Variants in PI4KA observed in about 807,000 individuals in gnomAD.
PI4KA encodes phosphatidylinositol 4-kinase alpha.
In PI4KA, 122 loss-of-function variants were observed where a neutral mutation model predicts 271.4. The ratio of observed to expected loss-of-function variants is 0.45; its 90% CI spans 0.39 to 0.52. The LOEUF (loss-of-function observed/expected upper bound fraction) is 0.52. Among genes scored for constraint, PI4KA ranks in the 20% least tolerant of loss-of-function variants. The pLI is 0.00. For missense variants in PI4KA, 1,969 were observed against 2,769.1 expected (o/e 0.71, Z 6.48); for synonymous variants, 1,041 against 1,078.8 (o/e 0.96, Z 0.69).
In PI4KA at chr22:20,820,642, AAC is replaced by A. The variant is rs1294324304; in HGVS notation, c.457-33_457-32del. On this transcript the variant is annotated intron_variant, in intron 4 of 54. Coordinates refer to ENST00000255882, the MANE Select transcript of PI4KA (RefSeq NM_058004.4). ...ACAGTCAAGGAAACAAGAAAAAAAAAACATAAACAAAATTAGGTAAATATCAC... is the reference window on the plus strand; with the variant it reads ...ACAGTCAAGGAAACAAGAAAAAAAAAATAAACAAAATTAGGTAAATATCAC... 2.0e-6 allele frequency: 3 copies of A among 1,481,372 alleles called. No homozygotes were observed. The African/African-American group carries it at 4.2e-5, about 21-fold the overall frequency. The allele number at this position is 1,481,372 out of a possible 1,614,324, so 91.8% of individuals were successfully genotyped here. A position where few individuals can be genotyped will look rare whatever the true frequency, so the allele number is the denominator to read the frequency against.
At chr22:20,843,894 T>A (rs890677254) in intron 1 of PI4KA, among the ~76,000 whole-genome samples, 1 of 152,162 alleles carries the variant, frequency 6.6e-6, no homozygotes, top group Non-Finnish European at 1.5e-5. Context: ...ACTTCTCTCA[T>A]AAACCCAGGC....
In PI4KA at chr22:20,799,275, C is replaced by A; in HGVS notation, c.1822G>T (p.Asp608Tyr). 6.6e-7 allele frequency: 1 copy of A among 1,520,628 alleles called. No homozygotes were observed. The allele number at this position is 1,520,628 out of a possible 1,614,324, so 94.2% of individuals were successfully genotyped here. ...GTGTGGTCGGGAATCAAGTGAGCGT[C>A]CCTACAGAAGGAAGAACAGAAGCGC... ...RLYISQESDKDAHLIPDHTIR... is the reference protein window; with the variant it reads ...RLYISQESDKYAHLIPDHTIR... Residue 608 changes from aspartate (D) to tyrosine (Y), a missense_variant and splice_region_variant, in exon 16 of 55, where the codon GAC becomes TAC. Asp to Tyr is a radical substitution (Grantham distance 160). Coordinates refer to ENST00000255882, the MANE Select transcript of PI4KA (RefSeq NM_058004.4).
In PI4KA at chr22:20,744,823, G is replaced by C. The variant is rs544474491; in HGVS notation, c.3364-103C>G. 2.5e-5 allele frequency: 20 copies of C among 803,106 alleles called. No individual in the cohort carries two copies. The East Asian group carries it at 5.1e-4, about 21-fold the overall frequency. 49.7% of individuals were successfully genotyped at this position (803,106 alleles called of 1,614,324 possible). Reference sequence around the variant, plus strand: ...CAATGAAGCAGTCACACTCGGGTCTGGGGGTTACTATTAATAAAAATCTTC... The same window carrying C: ...CAATGAAGCAGTCACACTCGGGTCTCGGGGTTACTATTAATAAAAATCTTC... On this transcript the variant is annotated intron_variant, in intron 29 of 54. Transcript: ENST00000255882.
chr22:20,722,174 G>A (rs777117459), intron 42 of PI4KA, among the ~76,000 whole-genome samples: 1 of 151,938 alleles, frequency 6.6e-6, no homozygotes, highest in Non-Finnish European at 1.5e-5. Flanking sequence ...ACCCAGTCTC[G>A]GGAAGTTTTT....
chr22:20,765,428 C>T (rs1430033308), intron 20 of PI4KA, among the ~76,000 whole-genome samples, 157 bp downstream of exon 20: 1 of 152,204 alleles, frequency 6.6e-6, no homozygotes, highest in African/African-American at 2.4e-5. Context: ...CCCTAAACTA[C>T]ATCTGGGGAC....
intron 4 of PI4KA, among the ~76,000 whole-genome samples, chr22:20,822,686 T>C (rs960012155): frequency 6.6e-6 from 1 of 152,140 alleles, no homozygotes. Flanking sequence ...TCAGCCCATA[T>C]AACTGGTCCA....
At chr22:20,825,896 T>G (rs1923346802) in intron 3 of PI4KA, among the ~76,000 whole-genome samples, 1 of 152,186 alleles carries the variant, frequency 6.6e-6, no homozygotes, top group Admixed American at 6.5e-5. Context: ...TCTCCACTCT[T>G]AAGTAGGCCC....
At chr22:20,787,418 T>C (rs1934338141) in intron 19 of PI4KA, 2 of 362,576 alleles carry the variant, frequency 5.5e-6, no homozygotes, top group Non-Finnish European at 1.1e-5. Flanking sequence ...CACTCAAGCC[T>C]TTCTCCACCA....
intron 1 of PI4KA, among the ~76,000 whole-genome samples, chr22:20,856,378 C>T (rs1486214572): frequency 6.6e-6 from 1 of 151,758 alleles, no homozygotes; most frequent in Non-Finnish European, 1.5e-5. Flanking sequence ...AAGTAAGTGG[C>T]ATTAGGGAGC....
rs142112049 is a variant in PI4KA, at chr22:20,773,108, A to G, written c.2329-7415T>C. Among the ~76,000 whole-genome samples, 11 of 151,426 alleles carry G rather than the reference A, an allele frequency of 7.3e-5. No homozygotes were observed. The East Asian group carries it at 2.1e-3, about 30-fold the overall frequency. ...CCTGTCTCAAAAAACACATAGGGCCAGGCGTGGTGGCTCACGCATGTAATC... is the reference window on the plus strand; with the variant it reads ...CCTGTCTCAAAAAACACATAGGGCCGGGCGTGGTGGCTCACGCATGTAATC... On this transcript the variant is annotated intron_variant, in intron 19 of 54. Coordinates refer to ENST00000255882, the MANE Select transcript of PI4KA (RefSeq NM_058004.4).
At position 20,727,274 on chromosome 22, in the gene PI4KA, G is replaced by C. The variant is rs1345223974; in HGVS notation, c.4897C>G (p.Leu1633Val). ...ACTTTCACCCCGTACTGCGCCGTGA[G>C]AGGGTGCGGCGGGTACATGCTGGAG... Reference protein sequence around the residue: ...YFSSMYPPHPLTAQYGVKVLR... With the variant: ...YFSSMYPPHPVTAQYGVKVLR... Residue 1633 changes from leucine to valine, a missense_variant, in exon 41 of 55, where the codon CTC becomes GTC. Coordinates refer to ENST00000255882, the MANE Select transcript of PI4KA (RefSeq NM_058004.4). 1 of 1,613,490 alleles carries C rather than the reference G, an allele frequency of 6.2e-7. No individual in the cohort carries two copies. The highest frequency in any genetic ancestry group is 1.7e-5 in the Admixed American group (1 of 59,908).
chr22:20,796,410 C>A lies in PI4KA; in HGVS notation c.2109-96G>T. The A allele has an allele frequency of 9.8e-6, 11 of 1,127,034 alleles. No individual in the cohort carries two copies. In the South Asian group the frequency reaches 1.5e-4, roughly 16 times the overall value. The allele number at this position is 1,127,034 out of a possible 1,614,324, so 69.8% of individuals were successfully genotyped here. On this transcript the variant is annotated intron_variant, in intron 17 of 54. Coordinates refer to ENST00000255882, the MANE Select transcript of PI4KA (RefSeq NM_058004.4). Reference sequence around the variant, plus strand: ...GGTGAGGCGAGCTGAGCGGGCCAGGCCCAGCCTGCCTTACCACACTCCTCC... The same window carrying A: ...GGTGAGGCGAGCTGAGCGGGCCAGGACCAGCCTGCCTTACCACACTCCTCC...
At position 20,784,377 on chromosome 22, in the gene PI4KA, C is replaced by T. The variant is rs1220916445; in HGVS notation, c.2328+8816G>A. On this transcript the variant is annotated intron_variant, in intron 19 of 54. Transcript: ENST00000255882. ...ACCCAAGAACTTCCATACAGGGCCA[C>T]TCTGTTAATTCAGCCCCAATTTGTT... The T allele has an allele frequency of 2.0e-5, 25 of 1,233,302 alleles. No homozygotes were observed. The East Asian group carries it at 6.3e-4, about 31-fold the overall frequency. 76.4% of individuals were successfully genotyped at this position (1,233,302 alleles called of 1,614,324 possible).
At chr22:20,715,771 G>A (rs781661902) in intron 45 of PI4KA, among the ~76,000 whole-genome samples, 1 of 152,242 alleles carries the variant, frequency 6.6e-6, no homozygotes, top group Non-Finnish European at 1.5e-5. Context: ...ACCGCGCCCG[G>A]CCAACATTGT....
intron 19 of PI4KA, chr22:20,780,247 A>C (rs1569024619): frequency 1.2e-6 from 2 of 1,613,552 alleles, no homozygotes; most frequent in Admixed American, 3.3e-5. Context: ...ACAACATACT[A>C]TTTTTGTATG....
At chr22:20,731,166 G>A (rs1035948812) in intron 36 of PI4KA, among the ~76,000 whole-genome samples, 9 of 152,096 alleles carry the variant, frequency 5.9e-5, no homozygotes, top group African/African-American at 2.2e-4. Flanking sequence ...GCGACAGAAT[G>A]AGACTGCATT....
At chr22:20,751,838 C>T (rs1930733447) in intron 25 of PI4KA, 83 bp from the exon 26 acceptor site, 2 of 1,231,342 alleles carry the variant, frequency 1.6e-6, no homozygotes, top group African/African-American at 1.5e-5. Context: ...GCTGCCAGCC[C>T]GAGCCCATAT....
At chr22:20,777,219 CT>C (rs374097207) in intron 19 of PI4KA, among the ~76,000 whole-genome samples, 233 of 140,912 alleles carry the variant, frequency 1.7e-3, no homozygotes, top group Non-Finnish European at 1.3e-3. Context: ...TTTTTCTTTT[CT>C]TTTTTTTTTT....
At chr22:20,803,878 G>A (rs1200661141) in intron 12 of PI4KA, among the ~76,000 whole-genome samples, 1 of 152,186 alleles carries the variant, frequency 6.6e-6, no homozygotes, top group East Asian at 1.9e-4. Context: ...AGAAGAAAGG[G>A]ACAAAATATA....
Sources: gnomAD v4.1 joint callset for allele counts (sites outside exome capture counted in the v4.1 genomes callset) on GRCh38, gnomAD v4.1.1 for gene constraint, MANE v1.5 for transcripts, NCBI Gene and HGNC (gene_info 2026-07-23, HGNC 2026-07-21) for gene names.